Variants in TMC1 observed in about 807,000 individuals in gnomAD.
TMC1 encodes the protein transmembrane channel-like protein 1.
TMC1 carries 84 observed loss-of-function variants against 105.8 expected under a neutral mutation model. The ratio of observed to expected loss-of-function variants is 0.79; its 90% CI spans 0.67 to 0.95. The LOEUF is 0.95. Ranked by LOEUF, TMC1 falls within the 40% of genes least tolerant of loss-of-function variation. TMC1 has a pLI of 0.00. For missense variants in TMC1, 817 were observed against 914.1 expected (o/e 0.89, Z 1.37); for synonymous variants, 315 against 311.5 (o/e 1.01, Z -0.12).
intron 4 of TMC1, among the ~76,000 whole-genome samples, chr9:72,637,881 A>G (rs1825560659): frequency 6.6e-6 from 1 of 152,254 alleles, no homozygotes; most frequent in Non-Finnish European, 1.5e-5. Context: ...GTAATAAGGA[A>G]TCATGGATTG....
At chr9:72,555,949 A>G (rs1195736921) in intron 1 of TMC1, among the ~76,000 whole-genome samples, 1 of 137,864 alleles carries the variant, frequency 7.3e-6, no homozygotes, top group Admixed American at 7.7e-5. Flanking sequence ...GATGTTACCC[A>G]GGAAAACCAA....
chr9:72,594,642 A>C (rs1587978567), intron 2 of TMC1, among the ~76,000 whole-genome samples: 1 of 152,308 alleles, frequency 6.6e-6, no homozygotes. Context: ...TTGAATTAGA[A>C]AACACAAACT....
chr9:72,578,927 C>T (rs117685448), intron 2 of TMC1, among the ~76,000 whole-genome samples: 71 of 152,162 alleles, frequency 4.7e-4, no homozygotes, highest in African/African-American at 1.6e-3. Context: ...CGATGTTGGT[C>T]GTTGGATGAA....
At chr9:72,533,081 A>G (rs939128863) in intron 1 of TMC1, among the ~76,000 whole-genome samples, 5 of 152,190 alleles carry the variant, frequency 3.3e-5, no homozygotes, top group South Asian at 2.1e-4. Flanking sequence ...AGAAGAAGCT[A>G]CATTCTGTAG....
chr9:72,832,190 G>C (rs1829052991), intron 23 of TMC1, among the ~76,000 whole-genome samples: 1 of 152,092 alleles, frequency 6.6e-6, no homozygotes, highest in African/African-American at 2.4e-5. Context: ...GGGCTCAGGT[G>C]ATCTTCTCTT....
chr9:72,672,849 C>CAA (rs1554719821), intron 5 of TMC1, among the ~76,000 whole-genome samples: 5 of 150,856 alleles, frequency 3.3e-5, no homozygotes, highest in African/African-American at 1.2e-4. Flanking sequence ...CACACACACA[C>CAA]ACACACACAC....
intron 13 of TMC1, among the ~76,000 whole-genome samples, chr9:72,781,551 A>G (rs1828092806): frequency 6.6e-6 from 1 of 152,176 alleles, no homozygotes; most frequent in East Asian, 1.9e-4. Context: ...AAGTATAAAT[A>G]AGATTGATAG....
At chr9:72,779,501 C>T (rs537716000) in intron 13 of TMC1, among the ~76,000 whole-genome samples, 98 of 152,220 alleles carry the variant, frequency 6.4e-4, no homozygotes, top group African/African-American at 2.3e-3. Context: ...AAACCCAATA[C>T]GATGAACCTA....
intron 19 of TMC1, chr9:72,817,276 C>T (rs1037926149): frequency 2.1e-4 from 32 of 152,222 alleles, no homozygotes; most frequent in East Asian, 1.7e-3. Flanking sequence ...AATATTGTTT[C>T]CTCCTTTGTC....
At chr9:72,611,489 G>A (rs1185216921) in intron 2 of TMC1, among the ~76,000 whole-genome samples, 1 of 152,094 alleles carries the variant, frequency 6.6e-6, no homozygotes, top group Non-Finnish European at 1.5e-5. Context: ...TTAGGTCCCT[G>A]TTGTTTGATA....
intron 2 of TMC1, among the ~76,000 whole-genome samples, chr9:72,604,379 C>A (rs999033086): frequency 3.9e-5 from 6 of 152,056 alleles, no homozygotes; most frequent in African/African-American, 1.4e-4. Flanking sequence ...TTTCTATGCC[C>A]TTGAATCTTT....
At chr9:72,532,016 C>A (rs1463166691) in intron 1 of TMC1, among the ~76,000 whole-genome samples, 1 of 152,026 alleles carries the variant, frequency 6.6e-6, no homozygotes, top group Admixed American at 6.5e-5. Flanking sequence ...ACTGCAACCT[C>A]CATCTCCTAG....
At chr9:72,805,344 C>T in intron 17 of TMC1, 38 bp from the exon 18 acceptor site, 1 of 1,610,170 alleles carries the variant, frequency 6.2e-7, no homozygotes, top group Non-Finnish European at 8.5e-7. Flanking sequence ...CATTTGAAGA[C>T]AGAACTGTGT....
intron 5 of TMC1, among the ~76,000 whole-genome samples, chr9:72,667,806 A>G (rs769067853): frequency 2.0e-5 from 3 of 152,250 alleles, no homozygotes; most frequent in Non-Finnish European, 4.4e-5. Flanking sequence ...AGAATTAAGA[A>G]GAGCCATTGA....
At chr9:72,640,632 G>GT (rs1191828695) in intron 4 of TMC1, among the ~76,000 whole-genome samples, 12 of 141,334 alleles carry the variant, frequency 8.5e-5, no homozygotes, top group African/African-American at 3.3e-4. Flanking sequence ...TTTGTTTTTT[G>GT]TTTTTTGTTT....
chr9:72,716,342 CT>C (rs1340741917), intron 8 of TMC1, among the ~76,000 whole-genome samples: 1 of 152,220 alleles, frequency 6.6e-6, no homozygotes, highest in Admixed American at 6.5e-5. Flanking sequence ...CTGTTTAAGT[CT>C]GCTGAGGTTG....
At chr9:72,742,415 T>A in intron 9 of TMC1, 29 bp from the exon 10 acceptor site, 1 of 1,592,986 alleles carries the variant, frequency 6.3e-7, no homozygotes, top group Non-Finnish European at 8.6e-7. Context: ...GAGGTTGGAC[T>A]TTACTTTTGT....
intron 7 of TMC1, among the ~76,000 whole-genome samples, chr9:72,698,970 G>A (rs769890731): frequency 1.7e-4 from 26 of 152,100 alleles, no homozygotes; most frequent in Non-Finnish European, 2.6e-4. Flanking sequence ...CAGGAAAGAC[G>A]GAGACCCTCT....
intron 4 of TMC1, among the ~76,000 whole-genome samples, chr9:72,646,576 T>C (rs557530477): frequency 2.0e-5 from 3 of 152,180 alleles, no homozygotes; most frequent in Admixed American, 6.5e-5. Context: ...GATATTACTG[T>C]TCATGTTTTT....
Sources: gnomAD v4.1 joint callset for allele counts (sites outside exome capture counted in the v4.1 genomes callset) on GRCh38, gnomAD v4.1.1 for gene constraint, MANE v1.5 for transcripts, NCBI Gene and HGNC (gene_info 2026-07-23, HGNC 2026-07-21) for gene names.